The following EIF3F variants were observed in gnomAD, a reference collection of about 807,000 sequenced individuals.
EIF3F encodes eukaryotic translation initiation factor 3 subunit F.
In EIF3F, 8 loss-of-function variants were observed where a neutral mutation model predicts 36.0. That is an observed-to-expected ratio of 0.22 (90% CI 0.13 to 0.40). The LOEUF (loss-of-function observed/expected upper bound fraction) is 0.40, where lower values mean the gene tolerates loss of function less well. Ranked by LOEUF, EIF3F falls within the 10% of genes least tolerant of loss-of-function variation. The pLI is 1.00. For synonymous variants in EIF3F, 184 were observed against 188.5 expected (o/e 0.98, Z 0.19); for missense variants, 430 against 467.6 (o/e 0.92, Z 0.74).
intron 1 of EIF3F, 32 bp downstream of exon 1, chr11:7,987,748 C>G: frequency 6.8e-7 from 1 of 1,461,426 alleles, no homozygotes; most frequent in South Asian, 1.5e-5. Context: ...ACATTCTTTT[C>G]TTCCTCCCAC....
Position 7,989,944 on chromosome 11 carries a change from T to TA in EIF3F, c.365-1836dup, listed in dbSNP as rs1326787645. Among the ~76,000 whole-genome samples, 3 of 152,334 alleles carry TA rather than the reference T, an allele frequency of 2.0e-5. No homozygotes were observed. The East Asian group carries it at 5.8e-4, about 29-fold the overall frequency. ...AAATGTAAAGTGCTGTGAAGGGAAT[T>TA]ACCTGGATCCCTGAGAAGACAAAAT... On this transcript the variant is annotated intron_variant, in intron 1 of 7. Coordinates refer to ENST00000651655, the MANE Select transcript of EIF3F (RefSeq NM_003754.3).
In EIF3F at chr11:7,995,494, C is replaced by T. The variant is rs1399724208; in HGVS notation, c.996+127C>T. 8 of 789,490 alleles carry T rather than the reference C, an allele frequency of 1.0e-5. No individual in the cohort carries two copies. The Admixed American group carries it at 1.4e-4, about 14-fold the overall frequency. 48.9% of individuals were successfully genotyped at this position (789,490 alleles called of 1,614,324 possible). On this transcript the variant is annotated intron_variant, in intron 7 of 7. Coordinates refer to ENST00000651655, the MANE Select transcript of EIF3F (RefSeq NM_003754.3). ...TAGAGACAGGGCTTCACCTATAGCC[C>T]CACTGAAGTCCAGGTTGGGAGGAAG...
intron 1 of EIF3F, among the ~76,000 whole-genome samples, chr11:7,991,369 C>A (rs1589904846): frequency 6.6e-6 from 1 of 152,176 alleles, no homozygotes. Context: ...CTCCTGACGT[C>A]TCAGTGTCTG....
chr11:7,987,375 T>C lies in EIF3F; in HGVS notation c.23T>C (p.Val8Ala). 1 of 1,597,286 alleles carries C rather than the reference T, an allele frequency of 6.3e-7. No individual in the cohort carries two copies. Among genetic ancestry groups the C allele is most frequent in the Non-Finnish European group, 8.5e-7 (1 of 1,178,146 alleles). The change falls in exon 1 of 8, where the codon GTA becomes GCA. Residue 8 changes from valine (V) to alanine (A), a missense_variant. Transcript: ENST00000651655. MATPAVP[V>A]SAPPATPTPV... ...AAGATGGCCACACCGGCGGTACCAG[T>C]AAGTGCTCCTCCGGCCACGCCAACC...
At chr11:7,992,565 C>T (rs3903047) in intron 3 of EIF3F, 32 of 438,068 alleles carry the variant, frequency 7.3e-5, no homozygotes, top group Non-Finnish European at 1.2e-4. Flanking sequence ...TGACAGAGTG[C>T]GACCCTGTCT....
At chr11:7,995,454 T>C (rs1201182084) in intron 7 of EIF3F, 87 bp downstream of exon 7, 1 of 1,094,466 alleles carries the variant, frequency 9.1e-7, no homozygotes, top group Admixed American at 1.7e-5. Flanking sequence ...TTGGGTGAGG[T>C]GACCTGGAGT....
At position 8,001,241 on chromosome 11, in the gene EIF3F, A is replaced by G. The variant is rs1274091356; in HGVS notation, c.*5219A>G. The G allele has an allele frequency of 1.3e-5, 2 of 152,250 alleles. No individual in the cohort carries two copies. Among genetic ancestry groups the G allele is most frequent in the Admixed American group, 1.3e-4 (2 of 15,288 alleles). The allele number at this position is 152,250 out of a possible 1,614,324, so 9.4% of individuals were successfully genotyped here. On this transcript the variant is annotated 3_prime_UTR_variant, in exon 8 of 8. Transcript: ENST00000651655. Reference sequence around the variant, plus strand: ...AAAAGTTGCTAACACTGGAATGGCCAGAGTAAGAGGAAACGTGACACAGGC... The same window carrying G: ...AAAAGTTGCTAACACTGGAATGGCCGGAGTAAGAGGAAACGTGACACAGGC...
chr11:7,988,204 A>G (rs146837164), intron 1 of EIF3F, among the ~76,000 whole-genome samples: 2 of 152,300 alleles, frequency 1.3e-5, no homozygotes, highest in Non-Finnish European at 2.9e-5. Context: ...CCAGTTGTCA[A>G]AGGAGTGGGG....
rs1470046666 is a variant in EIF3F at position 8,001,124 on chromosome 11, CACAG to C, written c.*5106_*5109del. On this transcript the variant is annotated 3_prime_UTR_variant, in exon 8 of 8. Transcript: ENST00000651655. The stretch of plus-strand genomic sequence containing the variant: ...AAAGGATATGACCAGACAGCTCACA[CACAG>C]ACACACAAATGTGAAAAGATGCTTG... 1.1e-4 allele frequency: 16 copies of C among 152,188 alleles called. No homozygotes were observed. The highest frequency in any genetic ancestry group is 1.8e-4 in the Non-Finnish European group (12 of 68,036). The allele number at this position is 152,188 out of a possible 1,614,324, so 9.4% of individuals were successfully genotyped here.
chr11:7,988,172 A>T (rs1942050758), intron 1 of EIF3F, among the ~76,000 whole-genome samples: 1 of 152,218 alleles, frequency 6.6e-6, no homozygotes, highest in East Asian at 1.9e-4. Flanking sequence ...ATCGTTTTCC[A>T]GGTATTGACA....
In EIF3F at chr11:7,999,297, A is replaced by T. The variant is rs1462983224; in HGVS notation, c.*3275A>T. ...AAAAGTGAAAAGGAGGAGGGTTTTT[A>T]AAAAATTAGTACTACCCAGTTGATA... On this transcript the variant is annotated 3_prime_UTR_variant, in exon 8 of 8. Transcript: ENST00000651655. The T allele has an allele frequency of 1.3e-5, 2 of 152,156 alleles. No homozygotes were observed. Among genetic ancestry groups the T allele is most frequent in the African/African-American group, 4.8e-5 (2 of 41,446 alleles). 9.4% of individuals were successfully genotyped at this position (152,156 alleles called of 1,614,324 possible). A position where few individuals can be genotyped will look rare whatever the true frequency, so the allele number is the denominator to read the frequency against.
chr11:7,994,345 T>A (rs904925100), intron 4 of EIF3F, 81 bp from the exon 5 acceptor site: 13 of 1,210,388 alleles, frequency 1.1e-5, no homozygotes, highest in Non-Finnish European at 1.2e-5. Flanking sequence ...ATATTCCTGC[T>A]GTATCTGCTT....
At position 7,994,978 on chromosome 11, in the gene EIF3F, A is replaced by G. The variant is rs370947755; in HGVS notation, c.746-4A>G. 60 of 1,611,878 alleles carry G rather than the reference A, an allele frequency of 3.7e-5. No individual in the cohort carries two copies. Among genetic ancestry groups the G allele is most frequent in the Non-Finnish European group, 5.0e-5 (59 of 1,179,270 alleles). The stretch of plus-strand genomic sequence containing the variant: ...GCTGCCACCCTGCCAACCAACTTCC[A>G]TAGTTGACCTGATCATGAAGACCTG... On this transcript the variant is annotated splice_polypyrimidine_tract_variant and splice_region_variant and intron_variant, in intron 5 of 7. Transcript: ENST00000651655.
In EIF3F at chr11:7,995,023, A is replaced by G. The variant is rs1387529492; in HGVS notation, c.787A>G (p.Ile263Val). ...MKTCFSPNRV[I>V]GLSSDLQQVG... ...GACCTGCTTTAGCCCCAACAGAGTG[A>G]TTGGACTCTCAAGTGACTTGCAGCA... Residue 263 changes from isoleucine to valine, a missense_variant, in exon 6 of 8, where the codon ATT becomes GTT. By Grantham distance (29) the Ile-to-Val change is conservative (BLOSUM62 3). This residue lies in a region of EIF3F where 262 missense variants were observed against 347.4 expected (regional missense o/e 0.75). Transcript: ENST00000651655. The G allele has an allele frequency of 1.9e-6, 3 of 1,613,742 alleles. No homozygotes were observed. The highest frequency in any genetic ancestry group is 1.7e-5 in the Admixed American group (1 of 59,994).
intron 1 of EIF3F, among the ~76,000 whole-genome samples, chr11:7,989,552 A>G (rs1174603676): frequency 1.3e-5 from 2 of 152,322 alleles, no homozygotes; most frequent in East Asian, 1.9e-4. Context: ...CTTTTTTTGT[A>G]CCATAAAACT....
In EIF3F at chr11:7,987,402, C is replaced by T. The variant is rs758048186; in HGVS notation, c.50C>T (p.Pro17Leu). The change falls in exon 1 of 8, where the codon CCA (proline) becomes CTA (leucine). Residue 17 changes from proline to leucine, a missense_variant. This residue lies in a region of EIF3F where 168 missense variants were observed against 120.2 expected (regional missense o/e 1.40). Transcript: ENST00000651655. ...AGTGCTCCTCCGGCCACGCCAACCC[C>T]AGTCCCGGCGGCGGCCCCAGCCTCA... ...PVSAPPATPT[P>L]VPAAAPASVP... is the part of the protein sequence containing the mutation. 3.7e-6 allele frequency: 6 copies of T among 1,600,716 alleles called. No individual in the cohort carries two copies. Among genetic ancestry groups the T allele is most frequent in the Non-Finnish European group, 4.2e-6 (5 of 1,179,480 alleles).
At chr11:7,991,163 C>T (rs1257843109) in intron 1 of EIF3F, among the ~76,000 whole-genome samples, 1 of 150,962 alleles carries the variant, frequency 6.6e-6, no homozygotes, top group Non-Finnish European at 1.5e-5. Flanking sequence ...CCACTGCACT[C>T]TAGCCTGGGC....
At chr11:7,988,046 A>G (rs111619296) in intron 1 of EIF3F, 7 of 206,700 alleles carry the variant, frequency 3.4e-5, no homozygotes, top group African/African-American at 1.4e-4. Context: ...GTTTATGGCA[A>G]GTATGATGGG....
rs753508680 is a variant in EIF3F at position 7,995,925 on chromosome 11, G to A, written c.997-20G>A. ...CTTTCCACCCAACCCCCCACTCATT[G>A]TGTATTCTTTGTCTTCCAGGACCTT... On this transcript the variant is annotated intron_variant, in intron 7 of 7. Coordinates refer to ENST00000651655, the MANE Select transcript of EIF3F (RefSeq NM_003754.3). The A allele has an allele frequency of 5.0e-6, 8 of 1,612,150 alleles. No homozygotes were observed. Among genetic ancestry groups the A allele is most frequent in the Non-Finnish European group, 5.9e-6 (7 of 1,178,254 alleles).
Sources: gnomAD v4.1 joint callset for allele counts (sites outside exome capture counted in the v4.1 genomes callset) on GRCh38, gnomAD v4.1.1 for gene constraint, gnomAD v4.1.1 regional missense constraint, MANE v1.5 for transcripts, NCBI Gene and HGNC (gene_info 2026-07-23, HGNC 2026-07-21) for gene names.